Variants in KLHL28 observed in about 807,000 individuals in gnomAD.
KLHL28 encodes kelch like family member 28, also known as kelch-like protein 28.
Under a neutral mutation model 48.3 loss-of-function variants are expected in KLHL28, and 22 were observed. That is an observed-to-expected ratio of 0.46 (90% confidence interval 0.33 to 0.65). The LOEUF is 0.65. Among genes scored for constraint, KLHL28 ranks in the 30% least tolerant of loss-of-function variants. KLHL28 has a pLI of 0.03. For missense variants in KLHL28, 527 were observed against 704.3 expected (o/e 0.75, Z 2.85); for synonymous variants, 243 against 242.4 (o/e 1.00, Z -0.02).
chr14:44,954,052 T>A (rs1033991864), intron 1 of KLHL28, among the ~76,000 whole-genome samples: 3 of 152,196 alleles, frequency 2.0e-5, no homozygotes, highest in African/African-American at 7.2e-5. Context: ...TAAATGATTT[T>A]AACCATACAA....
At position 44,927,691 on chromosome 14, in the gene KLHL28, C is replaced by G. The variant is rs1420438151; in HGVS notation, c.*1337G>C. On this transcript the variant is annotated 3_prime_UTR_variant, in exon 5 of 5. Transcript: ENST00000396128. ...GATCATTTCTTTAATCAAAGTAGAACTCAACTTAGAACTATTACTCAAGTA... is the reference window on the plus strand; with the variant it reads ...GATCATTTCTTTAATCAAAGTAGAAGTCAACTTAGAACTATTACTCAAGTA... 6.6e-6 allele frequency: 1 copy of G among 152,598 alleles called. No individual in the cohort carries two copies. The highest frequency in any genetic ancestry group is 6.5e-5 in the Admixed American group (1 of 15,284). 9.5% of individuals were successfully genotyped at this position (152,598 alleles called of 1,614,324 possible).
chr14:44,932,256 G>A (rs1050692896), intron 3 of KLHL28, among the ~76,000 whole-genome samples: 2 of 93,704 alleles, frequency 2.1e-5, no homozygotes, highest in Non-Finnish European at 3.8e-5. Context: ...GGGGTGGGGG[G>A]TGGGGAGAAA....
intron 1 of KLHL28, among the ~76,000 whole-genome samples, chr14:44,954,527 A>C (rs1884717492): frequency 6.6e-6 from 1 of 152,202 alleles, no homozygotes; most frequent in Non-Finnish European, 1.5e-5. Flanking sequence ...AGGAATGAGG[A>C]ATCTCTGTAT....
chr14:44,961,120 G>A (rs1221003425), intron 1 of KLHL28: 3 of 419,006 alleles, frequency 7.2e-6, no homozygotes, highest in Non-Finnish European at 1.3e-5. Flanking sequence ...AAAATTCTCA[G>A]TTCGCCTAAA....
At chr14:44,952,377 T>A (rs1269140874) in intron 1 of KLHL28, among the ~76,000 whole-genome samples, 2 of 152,126 alleles carry the variant, frequency 1.3e-5, no homozygotes, top group Non-Finnish European at 2.9e-5. Flanking sequence ...AGAAACTACA[T>A]AGGGCAGTGG....
chr14:44,929,040 T>C lies in KLHL28; in HGVS notation c.1704A>G (p.Leu568=). The C allele has an allele frequency of 6.2e-7, 1 of 1,613,934 alleles. No homozygotes were observed. Among genetic ancestry groups the C allele is most frequent in the East Asian group, 2.2e-5 (1 of 44,872 alleles). ...GAGTTCACATTTGTCAAAGTGCAGT[T>C]AACCCAAAGTTGCAGCGACAGTATA... ...GMIYCRCNFG[L]TAL is the part of the protein sequence containing the mutation. The change falls in exon 5 of 5, where the codon TTA becomes TTG. Residue 568 remains leucine (L), a synonymous_variant. Transcript: ENST00000396128.
rs753214894 is a variant in KLHL28, at chr14:44,945,255, C to T, written c.674G>A (p.Arg225Gln). 6.2e-7 allele frequency: 1 copy of T among 1,613,918 alleles called. No homozygotes were observed. Among genetic ancestry groups the T allele is most frequent in the Non-Finnish European group, 8.5e-7 (1 of 1,179,856 alleles). ...AAACTTAACACTCAACAATGGTAAT[C>T]GTACACTGTTTAGTAACTGTGCTAA... ...KYLAQLLNSV[R>Q]LPLLSVKFLT... Residue 225 changes from arginine to glutamine, a missense_variant, in exon 2 of 5, where the codon CGA (arginine) becomes CAA (glutamine). Physicochemically the swap from Arg to Gln is conservative, Grantham distance 43. Transcript: ENST00000396128.
chr14:44,942,810 TTC>T (rs1220581744), intron 2 of KLHL28, among the ~76,000 whole-genome samples: 1 of 152,192 alleles, frequency 6.6e-6, no homozygotes, highest in Non-Finnish European at 1.5e-5. Context: ...GGATAAATGG[TTC>T]TCTTTAATGT....
chr14:44,961,479 A>C (rs1304938791), intron 1 of KLHL28: 1 of 152,196 alleles, frequency 6.6e-6, no homozygotes. Context: ...TGCCAAAAAC[A>C]AACAAACAAA....
At position 44,928,563 on chromosome 14, in the gene KLHL28, A is replaced by G. The variant is rs1038134697; in HGVS notation, c.*465T>C. 2.0e-5 allele frequency: 3 copies of G among 152,250 alleles called. No homozygotes were observed. Among genetic ancestry groups the G allele is most frequent in the Admixed American group, 6.5e-5 (1 of 15,270 alleles). 9.4% of individuals were successfully genotyped at this position (152,250 alleles called of 1,614,324 possible). On this transcript the variant is annotated 3_prime_UTR_variant, in exon 5 of 5. Coordinates refer to ENST00000396128, the MANE Select transcript of KLHL28 (RefSeq NM_017658.5). ...TTGTTTGTTTTAAAACAAATGAAAA[A>G]TGTGAAGCATTTACATCCAAGAAGC...
intron 1 of KLHL28, among the ~76,000 whole-genome samples, chr14:44,946,849 C>G (rs752839578): frequency 3.0e-4 from 46 of 152,210 alleles, no homozygotes; most frequent in Non-Finnish European, 5.7e-4. Flanking sequence ...GGCCACCACA[C>G]CCGGCCTCAA....
chr14:44,934,991 C>G (rs1030808767), intron 2 of KLHL28, among the ~76,000 whole-genome samples: 2 of 152,136 alleles, frequency 1.3e-5, no homozygotes, highest in Non-Finnish European at 2.9e-5. Context: ...CTGAGCAACT[C>G]TACTGATGAA....
intron 1 of KLHL28, among the ~76,000 whole-genome samples, chr14:44,961,316 T>C (rs1040260732): frequency 3.3e-5 from 5 of 152,126 alleles, no homozygotes; most frequent in Middle Eastern, 3.4e-3. Context: ...GGGCGGAGGT[T>C]AGGGGAGAGT....
At chr14:44,943,317 C>T (rs1884180374) in intron 2 of KLHL28, among the ~76,000 whole-genome samples, 1 of 152,162 alleles carries the variant, frequency 6.6e-6, no homozygotes, top group African/African-American at 2.4e-5. Flanking sequence ...AACTAATGTT[C>T]TATGTGTAGC....
At chr14:44,960,832 GCATATGTGACT>G in intron 1 of KLHL28, 3 of 934,652 alleles carry the variant, frequency 3.2e-6, no homozygotes, top group Non-Finnish European at 4.8e-6. Flanking sequence ...AAGCTGTTTG[GCATATGTGACT>G]CATTTATTCC....
intron 2 of KLHL28, among the ~76,000 whole-genome samples, chr14:44,944,703 T>A (rs1199583132): frequency 6.6e-6 from 1 of 152,050 alleles, no homozygotes; most frequent in Non-Finnish European, 1.5e-5. Context: ...AAATCTCTTC[T>A]GATGTGGTCT....
chr14:44,945,096 G>T lies in KLHL28; in HGVS notation c.833C>A (p.Pro278His). 1 of 1,614,078 alleles carries T rather than the reference G, an allele frequency of 6.2e-7. No individual in the cohort carries two copies. The highest frequency in any genetic ancestry group is 8.5e-7 in the Non-Finnish European group (1 of 1,179,960). Residue 278 changes from proline to histidine, a missense_variant, in exon 2 of 5, where the codon CCT (proline) becomes CAT (histidine). Physicochemically the swap from Pro to His is moderately conservative, Grantham distance 77. Coordinates refer to ENST00000396128, the MANE Select transcript of KLHL28 (RefSeq NM_017658.5). The stretch of plus-strand genomic sequence containing the variant: ...ACAAAGTACTTTGGGAGCACAGCGA[G>T]GTCGTGTCATCAAGACTGTCTGATG... ...LSHQTVLMTRPRCAPKVLCAV... is the reference protein window; with the variant it reads ...LSHQTVLMTRHRCAPKVLCAV...
At chr14:44,955,250 TAATACATAA>T (rs1884744281) in intron 1 of KLHL28, among the ~76,000 whole-genome samples, 2 of 151,414 alleles carry the variant, frequency 1.3e-5, no homozygotes, top group South Asian at 4.1e-4. Flanking sequence ...AATTTATATA[TAATACATAA>T]AATACATGTG....
At chr14:44,939,179 G>C (rs1343815965) in intron 2 of KLHL28, among the ~76,000 whole-genome samples, 1 of 152,178 alleles carries the variant, frequency 6.6e-6, no homozygotes, top group East Asian at 1.9e-4. Flanking sequence ...AATGTGGAGA[G>C]CAGACTCCCA....
Sources: gnomAD v4.1 joint callset for allele counts (sites outside exome capture counted in the v4.1 genomes callset) on GRCh38, gnomAD v4.1.1 for gene constraint, MANE v1.5 for transcripts, NCBI Gene and HGNC (gene_info 2026-07-23, HGNC 2026-07-21) for gene names.